DPYSL5: variants seen among roughly 807,000 people sequenced by gnomAD.
DPYSL5 encodes dihydropyrimidinase like 5, also known as dihydropyrimidinase-related protein 5.
DPYSL5 carries 9 observed loss-of-function variants against 58.4 expected under a neutral mutation model. The ratio of observed to expected loss-of-function variants is 0.15; its 90% CI spans 0.09 to 0.27. The LOEUF (loss-of-function observed/expected upper bound fraction) is 0.27. DPYSL5 is among the 10% of genes least tolerant of loss of function. The pLI is 1.00. For missense variants in DPYSL5, 499 were observed against 770.6 expected (o/e 0.65, Z 4.17); for synonymous variants, 293 against 301.9 (o/e 0.97, Z 0.31).
chr2:26,858,729 C>G (rs1045156230), intron 1 of DPYSL5, among the ~76,000 whole-genome samples: 1 of 136,738 alleles, frequency 7.3e-6, no homozygotes, highest in Non-Finnish European at 1.6e-5. Flanking sequence ...GCCACCACAC[C>G]CAGCTATTTT....
chr2:26,893,205 C>A (rs1449255085), intron 1 of DPYSL5, among the ~76,000 whole-genome samples: 2 of 152,224 alleles, frequency 1.3e-5, no homozygotes, highest in African/African-American at 4.8e-5. Flanking sequence ...AGCAGGAGAA[C>A]CTGGTGGTTG....
rs1665074155 is a variant in DPYSL5, at chr2:26,933,018, G to A, written c.715-240G>A. Among the ~76,000 whole-genome samples, 1 of 152,178 alleles carries A rather than the reference G, an allele frequency of 6.6e-6. No homozygotes were observed. The highest frequency in any genetic ancestry group is 2.1e-4 in the South Asian group (1 of 4,830). On this transcript the variant is annotated intron_variant, in intron 6 of 12. Coordinates refer to ENST00000288699, the MANE Select transcript of DPYSL5 (RefSeq NM_020134.4). This position sits in a 1 kb window ranked among gnomAD's most constrained non-coding sequence, Gnocchi z 4.2. ...TGACGGTCTTGAACTTCACAGGCTG[G>A]GCTTCCCGGTGGGCTCTGGTGCTGG...
chr2:26,884,520 TCACA>T (rs3070961), intron 1 of DPYSL5, among the ~76,000 whole-genome samples: 512 of 145,616 alleles, frequency 3.5e-3, no homozygotes, highest in East Asian at 0.013. Context: ...TTGTCCTATC[TCACA>T]CACACACACA....
chr2:26,903,589 G>C (rs972442287), intron 2 of DPYSL5, among the ~76,000 whole-genome samples: 3 of 152,142 alleles, frequency 2.0e-5, no homozygotes, highest in African/African-American at 4.8e-5. Context: ...AGTGGCACAG[G>C]CTGTACTCCT....
chr2:26,931,711 A>T, intron 6 of DPYSL5, 27 bp downstream of exon 6: 1 of 1,613,336 alleles, frequency 6.2e-7, no homozygotes, highest in East Asian at 2.2e-5. Context: ...CCACTGTGGG[A>T]TTAGAAACCA....
chr2:26,866,191 C>T (rs564509471), intron 1 of DPYSL5, among the ~76,000 whole-genome samples: 5 of 152,330 alleles, frequency 3.3e-5, no homozygotes, highest in East Asian at 3.9e-4. Context: ...AATTACCTAA[C>T]GCTTCTGAAC....
At position 26,933,267 on chromosome 2, in the gene DPYSL5, C is replaced by G. The variant is rs141353764; in HGVS notation, c.724C>G (p.Pro242Ala). Reference sequence around the variant, plus strand: ...TGTTTCTTGTGTTTAGACTCACTGTCCAATCTACCTGGTCAACGTGTCCAG... The same window carrying G: ...TGTTTCTTGTGTTTAGACTCACTGTGCAATCTACCTGGTCAACGTGTCCAG... ...VITIANRTHC[P>A]IYLVNVSSIS... Residue 242 changes from proline to alanine, a missense_variant, in exon 7 of 13, where the codon CCA (proline) becomes GCA (alanine). By Grantham distance (27) the Pro-to-Ala change is conservative (BLOSUM62 -1). Coordinates refer to ENST00000288699, the MANE Select transcript of DPYSL5 (RefSeq NM_020134.4). The surrounding 1 kb of genome is among the most constrained non-coding windows in gnomAD (Gnocchi z 4.2). 13 of 1,614,000 alleles carry G rather than the reference C, an allele frequency of 8.1e-6. No individual in the cohort carries two copies. In the African/African-American group the frequency reaches 1.5e-4, roughly 18 times the overall value.
intron 2 of DPYSL5, among the ~76,000 whole-genome samples, chr2:26,903,376 T>A (rs1342481702): frequency 6.6e-6 from 1 of 152,214 alleles, no homozygotes; most frequent in Admixed American, 6.5e-5. Flanking sequence ...CTTTGCACTG[T>A]AAAATGGTCC....
At position 26,940,211 on chromosome 2, in the gene DPYSL5, T is replaced by C. The variant is rs747315254; in HGVS notation, c.1089+39T>C. 29 of 1,606,384 alleles carry C rather than the reference T, an allele frequency of 1.8e-5. No individual in the cohort carries two copies. In the African/African-American group the frequency reaches 3.7e-4, roughly 21 times the overall value. On this transcript the variant is annotated intron_variant, in intron 9 of 12. Transcript: ENST00000288699. ...AGCCCCGCCCCGATCTGATCCCTGC[T>C]CTAATCCCCGTTTCATCCCCGTTCT...
chr2:26,892,756 T>TGAGAGA (rs144430871), intron 1 of DPYSL5, among the ~76,000 whole-genome samples: 4,469 of 138,748 alleles, frequency 0.032, 249 homozygotes, highest in Admixed American at 0.16. Context: ...TGGGTTTGTT[T>TGAGAGA]GAGAGAGAGA....
chr2:26,921,304 A>T (rs1343652156), intron 2 of DPYSL5, among the ~76,000 whole-genome samples: 1 of 152,218 alleles, frequency 6.6e-6, no homozygotes, highest in Non-Finnish European at 1.5e-5. Context: ...GTTCGAGACC[A>T]GCCTGACCAA....
At chr2:26,929,929 A>G (rs531164082) in intron 5 of DPYSL5, among the ~76,000 whole-genome samples, 91 of 152,306 alleles carry the variant, frequency 6.0e-4, no homozygotes, top group Non-Finnish European at 1.0e-3. Flanking sequence ...GAAGAGGGGG[A>G]GAAACTTCTC....
At chr2:26,895,211 C>T (rs1376890404) in intron 1 of DPYSL5, among the ~76,000 whole-genome samples, 2 of 152,162 alleles carry the variant, frequency 1.3e-5, no homozygotes, top group Admixed American at 1.3e-4. Context: ...TTTGCTTTAG[C>T]TGTTCTAGTT....
At chr2:26,921,757 C>T (rs2148155586) in intron 2 of DPYSL5, among the ~76,000 whole-genome samples, 1 of 152,246 alleles carries the variant, frequency 6.6e-6, no homozygotes, top group Non-Finnish European at 1.5e-5. Flanking sequence ...CTTGGGGTAA[C>T]AGCGGTAATA....
At chr2:26,926,266 G>A (rs1572710469) in intron 3 of DPYSL5, among the ~76,000 whole-genome samples, 1 of 152,130 alleles carries the variant, frequency 6.6e-6, no homozygotes, top group African/African-American at 2.4e-5. Flanking sequence ...TGCAGATCAC[G>A]CTGAATGTCA....
intron 9 of DPYSL5, among the ~76,000 whole-genome samples, chr2:26,940,839 G>A (rs778641030): frequency 5.3e-4 from 81 of 151,466 alleles, no homozygotes; most frequent in Non-Finnish European, 8.5e-4. Flanking sequence ...TGGGACTTTC[G>A]GCTGTTTCTA....
chr2:26,914,970 A>G (rs962860605), intron 2 of DPYSL5, among the ~76,000 whole-genome samples: 2 of 152,034 alleles, frequency 1.3e-5, no homozygotes, highest in Admixed American at 6.5e-5. Flanking sequence ...CTTCTTTGCA[A>G]TTCCTTCCCA....
intron 1 of DPYSL5, among the ~76,000 whole-genome samples, chr2:26,890,925 G>C (rs921487045): frequency 6.6e-6 from 1 of 152,070 alleles, no homozygotes; most frequent in South Asian, 2.1e-4. Flanking sequence ...AGCAGATCAC[G>C]GCCCTGCCCT....
chr2:26,928,952 T>TG (rs1664901391), intron 5 of DPYSL5, among the ~76,000 whole-genome samples: 1 of 151,720 alleles, frequency 6.6e-6, no homozygotes, highest in South Asian at 2.1e-4. Context: ...ACTCTGCCTT[T>TG]GGGGGATGAC....
Sources: gnomAD v4.1 joint callset for allele counts (sites outside exome capture counted in the v4.1 genomes callset) on GRCh38, gnomAD v4.1.1 for gene constraint, Gnocchi (gnomAD v3.1) non-coding constraint, MANE v1.5 for transcripts, NCBI Gene and HGNC (gene_info 2026-07-23, HGNC 2026-07-21) for gene names.